The following ZFAND6 variants were observed in gnomAD, a reference collection of about 807,000 sequenced individuals.
The protein encoded by ZFAND6 is zinc finger AN1-type containing 6, also known as AN1-type zinc finger protein 6.
ZFAND6 carries 12 observed loss-of-function variants against 24.5 expected under a neutral mutation model. The ratio of observed to expected loss-of-function variants is 0.49; its 90% confidence interval spans 0.31 to 0.79. ZFAND6 has a LOEUF of 0.79. Ranked by LOEUF, ZFAND6 falls within the 30% of genes least tolerant of loss-of-function variation. ZFAND6 has a pLI of 0.04. For missense variants in ZFAND6, 207 were observed against 245.9 expected (o/e 0.84, Z 1.06); for synonymous variants, 92 against 81.5 (o/e 1.13, Z -0.69).
At chr15:80,110,347 A>C (rs954411033) in intron 2 of ZFAND6, among the ~76,000 whole-genome samples, 1 of 152,172 alleles carries the variant, frequency 6.6e-6, no homozygotes, top group African/African-American at 2.4e-5. Context: ...TTTTAAACAA[A>C]TACCTAGGAA....
chr15:80,088,490 C>T lies in ZFAND6; in HGVS notation c.-180-9926C>T, dbSNP rs539412398. Among the ~76,000 whole-genome samples the T allele has an allele frequency of 4.6e-5, 7 of 151,016 alleles. No individual in the cohort carries two copies. In the East Asian group the frequency reaches 6.0e-4, roughly 13 times the overall value. ...CCGAAGCAGGAGAATTGCTTGAACC[C>T]GGGAGACGGAGGTTGCAGTGAGCCG... On this transcript the variant is annotated intron_variant, in intron 1 of 6. Coordinates refer to ENST00000261749, the MANE Select transcript of ZFAND6 (RefSeq NM_019006.4).
chr15:80,126,415 T>G (rs759152290), intron 5 of ZFAND6, among the ~76,000 whole-genome samples: 1 of 152,188 alleles, frequency 6.6e-6, no homozygotes, highest in Non-Finnish European at 1.5e-5. Flanking sequence ...ATCAAGACTG[T>G]GTTGTACCGG....
chr15:80,133,299 T>A (rs976252824), intron 6 of ZFAND6, among the ~76,000 whole-genome samples: 1 of 151,786 alleles, frequency 6.6e-6, no homozygotes, highest in African/African-American at 2.4e-5. Context: ...TTCAAGCAAT[T>A]CTCCTGCCCC....
At chr15:80,097,716 G>T (rs892530255) in intron 1 of ZFAND6, among the ~76,000 whole-genome samples, 23 of 152,224 alleles carry the variant, frequency 1.5e-4, no homozygotes, top group Middle Eastern at 3.4e-3. Flanking sequence ...CATTATGACT[G>T]CCTATGTAAT....
intron 2 of ZFAND6, among the ~76,000 whole-genome samples, chr15:80,106,636 A>C (rs925486515): frequency 1.5e-5 from 2 of 137,146 alleles, no homozygotes; most frequent in African/African-American, 5.5e-5. Flanking sequence ...CTAGAAACTT[A>C]TTATTTGCTC....
chr15:80,062,891 ACT>A (rs1230970240), intron 1 of ZFAND6, among the ~76,000 whole-genome samples: 1 of 152,020 alleles, frequency 6.6e-6, no homozygotes, highest in African/African-American at 2.4e-5. Context: ...CATTCTAAAC[ACT>A]CTCAGCCTGG....
chr15:80,137,330 A>G, intron 6 of ZFAND6, 150 bp from the exon 7 acceptor site: 2 of 878,030 alleles, frequency 2.3e-6, no homozygotes, highest in Non-Finnish European at 3.2e-6. Flanking sequence ...CAGGTAGTGA[A>G]TAAGAATGTA....
In ZFAND6 at chr15:80,094,945, G is replaced by GT. The variant is rs543777717; in HGVS notation, c.-180-3470dup. ...GTGCCATCACGCCCGGCTCGTTTTT[G>GT]TATTTTTAGTAGAGATGGGGTTTCA... is the stretch of plus-strand genomic sequence containing the variant. On this transcript the variant is annotated intron_variant, in intron 1 of 6. Coordinates refer to ENST00000261749, the MANE Select transcript of ZFAND6 (RefSeq NM_019006.4). Among the ~76,000 whole-genome samples, 6 of 152,174 alleles carry GT rather than the reference G, an allele frequency of 3.9e-5. No homozygotes were observed. The South Asian group carries it at 1.2e-3, about 32-fold the overall frequency.
chr15:80,089,598 A>G (rs761461136), intron 1 of ZFAND6, among the ~76,000 whole-genome samples: 3 of 152,098 alleles, frequency 2.0e-5, no homozygotes, highest in Non-Finnish European at 4.4e-5. Flanking sequence ...CTATATGTTG[A>G]ATTGAAATGA....
intron 2 of ZFAND6, among the ~76,000 whole-genome samples, chr15:80,108,855 G>T (rs2039469210): frequency 1.3e-5 from 2 of 152,004 alleles, no homozygotes; most frequent in South Asian, 4.1e-4. Context: ...AGCCTCCAGA[G>T]TAGCTGGGAT....
At chr15:80,086,983 T>C (rs374652055) in intron 1 of ZFAND6, among the ~76,000 whole-genome samples, 1 of 152,258 alleles carries the variant, frequency 6.6e-6, no homozygotes, top group African/African-American at 2.4e-5. Context: ...GATTGTAGTA[T>C]GTATCAGAAT....
Position 80,078,006 on chromosome 15 carries a change from C to G in ZFAND6, c.-181+18197C>G, listed in dbSNP as rs536536842. Among the ~76,000 whole-genome samples, 4 of 152,162 alleles carry G rather than the reference C, an allele frequency of 2.6e-5. No homozygotes were observed. In the East Asian group the frequency reaches 5.8e-4, roughly 22 times the overall value. ...GAGCCACCGCGCCCGGCTTTCAAAA[C>G]TTTTAATGTGGCATTATTTACTATC... On this transcript the variant is annotated intron_variant, in intron 1 of 6. Coordinates refer to ENST00000261749, the MANE Select transcript of ZFAND6 (RefSeq NM_019006.4).
chr15:80,062,891 A>C (rs969121425), intron 1 of ZFAND6, among the ~76,000 whole-genome samples: 10 of 152,020 alleles, frequency 6.6e-5, no homozygotes, highest in Admixed American at 1.3e-4. Context: ...CATTCTAAAC[A>C]CTCTCAGCCT....
chr15:80,061,377 T>C (rs1169469163), intron 1 of ZFAND6, among the ~76,000 whole-genome samples: 2 of 152,244 alleles, frequency 1.3e-5, no homozygotes, highest in Non-Finnish European at 1.5e-5. Context: ...AACCAAAATA[T>C]ATTTAATACT....
chr15:80,095,746 G>C (rs1014475225), intron 1 of ZFAND6, among the ~76,000 whole-genome samples: 1 of 152,190 alleles, frequency 6.6e-6, no homozygotes, highest in African/African-American at 2.4e-5. Flanking sequence ...TTCAAGTTCT[G>C]TACTCTGTAC....
chr15:80,097,638 A>G (rs1392857965), intron 1 of ZFAND6, among the ~76,000 whole-genome samples: 2 of 149,834 alleles, frequency 1.3e-5, no homozygotes, highest in African/African-American at 4.9e-5. Context: ...GGGCAACAAG[A>G]ACGAAACTGT....
chr15:80,100,237 A>G (rs1252649464), intron 2 of ZFAND6, among the ~76,000 whole-genome samples: 1 of 152,228 alleles, frequency 6.6e-6, no homozygotes, highest in Non-Finnish European at 1.5e-5. Context: ...TTGAAAAGCC[A>G]AGTTTAATTT....
intron 1 of ZFAND6, among the ~76,000 whole-genome samples, chr15:80,084,941 A>G (rs1330602336): frequency 6.6e-6 from 1 of 152,244 alleles, no homozygotes; most frequent in East Asian, 1.9e-4. Flanking sequence ...TTCCTATACC[A>G]AATACAGTTC....
At chr15:80,120,234 G>A (rs1469292833) in intron 2 of ZFAND6, 94 bp from the exon 3 acceptor site, 3 of 1,033,550 alleles carry the variant, frequency 2.9e-6, no homozygotes, top group Non-Finnish European at 4.0e-6. Context: ...TGATATATGT[G>A]GGCTTTTTTC....
Sources: allele counts gnomAD v4.1 joint callset (sites outside exome capture counted in the v4.1 genomes callset), GRCh38; gene constraint gnomAD v4.1.1; transcripts MANE v1.5; gene names NCBI Gene and HGNC (gene_info 2026-07-23, HGNC 2026-07-21).